Variants in ALK observed in about 807,000 individuals in gnomAD.
ALK encodes ALK receptor tyrosine kinase, also known as ALK tyrosine kinase receptor.
Under a neutral mutation model 163.1 loss-of-function variants are expected in ALK, and 74 were observed. The observed-to-expected ratio is 0.45, with a 90% confidence interval of 0.38 to 0.55. The LOEUF (loss-of-function observed/expected upper bound fraction) is 0.55, where lower values mean the gene tolerates loss of function less well. Ranked by LOEUF, ALK falls within the 20% of genes least tolerant of loss-of-function variation. ALK has a pLI of 0.00. For missense variants in ALK, 2,063 were observed against 2,105.3 expected (o/e 0.98, Z 0.39); for synonymous variants, 960 against 843.2 (o/e 1.14, Z -2.40).
intron 1 of ALK, among the ~76,000 whole-genome samples, chr2:29,901,114 A>T (rs958916696): frequency 2.0e-5 from 3 of 152,172 alleles, no homozygotes; most frequent in African/African-American, 7.2e-5. Flanking sequence ...CCTAAGATCA[A>T]ATCCCAGTTC....
At chr2:29,483,262 G>C (rs1671705268) in intron 4 of ALK, among the ~76,000 whole-genome samples, 2 of 152,168 alleles carry the variant, frequency 1.3e-5, no homozygotes, top group Non-Finnish European at 2.9e-5. Flanking sequence ...GGTATTGCTT[G>C]AGGAGCTTTC....
intron 12 of ALK, among the ~76,000 whole-genome samples, chr2:29,241,768 C>A (rs1254546897): frequency 6.6e-6 from 1 of 152,094 alleles, no homozygotes; most frequent in East Asian, 1.9e-4. Context: ...TGCTCACAGG[C>A]ACACGGCATC....
intron 4 of ALK, among the ~76,000 whole-genome samples, chr2:29,508,102 C>G (rs149047018): frequency 1.3e-5 from 2 of 152,272 alleles, no homozygotes; most frequent in East Asian, 1.9e-4. Flanking sequence ...CACTGAGAAA[C>G]TGCCACCCTA....
intron 3 of ALK, among the ~76,000 whole-genome samples, chr2:29,632,628 G>A (rs1389616813): frequency 1.3e-5 from 2 of 152,174 alleles, no homozygotes; most frequent in Non-Finnish European, 2.9e-5. Flanking sequence ...AAGCCAGGAA[G>A]AGAGCCCTCA....
At chr2:29,477,057 C>A (rs1229409436) in intron 4 of ALK, among the ~76,000 whole-genome samples, 1 of 152,100 alleles carries the variant, frequency 6.6e-6, no homozygotes, top group Non-Finnish European at 1.5e-5. Flanking sequence ...ACTAGGGACA[C>A]CCAGGCTAGA....
At chr2:29,405,682 C>A (rs907820719) in intron 4 of ALK, among the ~76,000 whole-genome samples, 89 of 151,952 alleles carry the variant, frequency 5.9e-4, no homozygotes, top group African/African-American at 2.1e-3. Context: ...AGCCACCACA[C>A]TGGGAGAGGC....
rs1669775856 is a variant in ALK, at chr2:29,220,686, A to G, written c.3645+20T>C. ...CTGTCCTTGGCACAACAACTGCAGCAAAGACTGGTTCTCACTCACCGGGCG... is the reference window on the plus strand; with the variant it reads ...CTGTCCTTGGCACAACAACTGCAGCGAAGACTGGTTCTCACTCACCGGGCG... On this transcript the variant is annotated intron_variant, in intron 23 of 28. Transcript: ENST00000389048. The G allele has an allele frequency of 1.2e-6, 2 of 1,613,292 alleles. No homozygotes were observed. The highest frequency in any genetic ancestry group is 4.5e-5 in the East Asian group (2 of 44,852).
intron 1 of ALK, among the ~76,000 whole-genome samples, chr2:29,801,505 G>A (rs992518805): frequency 3.3e-5 from 5 of 152,156 alleles, no homozygotes; most frequent in African/African-American, 9.7e-5. Flanking sequence ...TGCCTGCATC[G>A]TGCATTCTGT....
intron 5 of ALK, among the ~76,000 whole-genome samples, chr2:29,368,383 G>A (rs779990155): frequency 7.2e-5 from 11 of 152,216 alleles, no homozygotes; most frequent in Non-Finnish European, 1.3e-4. Context: ...AACACTCAGT[G>A]ATGAGAGACA....
chr2:29,354,276 G>A (rs1461899704), intron 5 of ALK, among the ~76,000 whole-genome samples: 1 of 152,300 alleles, frequency 6.6e-6, no homozygotes, highest in South Asian at 2.1e-4. Flanking sequence ...TCTGCGCTGC[G>A]TGACTCCTTC....
chr2:29,207,941 T>C (rs1417841448), intron 25 of ALK: 1 of 408,764 alleles, frequency 2.4e-6, no homozygotes, highest in Non-Finnish European at 5.2e-6. Flanking sequence ...TAGCCTGGTG[T>C]TCTCCTGTGT....
At chr2:29,292,216 T>A (rs146488071) in intron 9 of ALK, among the ~76,000 whole-genome samples, 1 of 152,236 alleles carries the variant, frequency 6.6e-6, no homozygotes, top group African/African-American at 2.4e-5. Flanking sequence ...ATAAGTTGTG[T>A]ACTTTATATT....
intron 5 of ALK, among the ~76,000 whole-genome samples, chr2:29,370,638 G>A (rs1182120490): frequency 6.6e-6 from 1 of 152,238 alleles, no homozygotes; most frequent in Non-Finnish European, 1.5e-5. Flanking sequence ...TGAGTTTCCA[G>A]GAAGAAGCTT....
intron 5 of ALK, among the ~76,000 whole-genome samples, chr2:29,365,106 T>C (rs971875101): frequency 1.1e-4 from 16 of 152,122 alleles, no homozygotes; most frequent in African/African-American, 3.4e-4. Flanking sequence ...TTCACCGAGG[T>C]GTGCTGTCCT....
At chr2:29,680,764 T>G (rs12328379) in intron 3 of ALK, among the ~76,000 whole-genome samples, 10,068 of 152,180 alleles carry the variant, frequency 0.066, 1,114 homozygotes, top group African/African-American at 0.23. Flanking sequence ...TTGTATATAT[T>G]CTCATTTTTG....
intron 4 of ALK, among the ~76,000 whole-genome samples, chr2:29,514,853 C>A (rs1672620099): frequency 6.6e-6 from 1 of 152,204 alleles, no homozygotes; most frequent in Non-Finnish European, 1.5e-5. Flanking sequence ...CCCTCCCTTT[C>A]CTTGTGGTGC....
intron 3 of ALK, among the ~76,000 whole-genome samples, chr2:29,693,879 C>T (rs567010865): frequency 6.6e-6 from 1 of 152,282 alleles, no homozygotes; most frequent in African/African-American, 2.4e-5. Flanking sequence ...GCAGTCACTC[C>T]CCCGCTCTGA....
intron 1 of ALK, among the ~76,000 whole-genome samples, chr2:29,773,233 TAC>T (rs111768210): frequency 2.3e-4 from 34 of 146,730 alleles, no homozygotes; most frequent in Non-Finnish European, 3.4e-4. Context: ...ACAGTAAATG[TAC>T]ACACACACAC....
rs1667340060 is a variant in ALK, at chr2:29,328,439, G to A, written c.1325C>T (p.Thr442Ile). The A allele has an allele frequency of 1.2e-6, 2 of 1,614,092 alleles. No homozygotes were observed. The highest frequency in any genetic ancestry group is 1.7e-6 in the Non-Finnish European group (2 of 1,180,022). The change falls in exon 6 of 29, where the codon ACT becomes ATT. Residue 442 changes from threonine to isoleucine, a missense_variant. Thr to Ile is a moderately conservative substitution (Grantham distance 89). This residue lies in a region of ALK where 987 missense variants were observed against 939.5 expected (regional missense o/e 1.05). Coordinates refer to ENST00000389048, the MANE Select transcript of ALK (RefSeq NM_004304.5). Reference sequence around the variant, plus strand: ...CTGGAGGACTGTCCCATTCCAACAAGTGAAGGAGCTCTGCAGGGCCATCTT... The same window carrying A: ...CTGGAGGACTGTCCCATTCCAACAAATGAAGGAGCTCTGCAGGGCCATCTT... ...GSKMALQSSF[T>I]CWNGTVLQLG...
Sources: gnomAD v4.1 joint callset for allele counts (sites outside exome capture counted in the v4.1 genomes callset) on GRCh38, gnomAD v4.1.1 for gene constraint, gnomAD v4.1.1 regional missense constraint, MANE v1.5 for transcripts, NCBI Gene and HGNC (gene_info 2026-07-23, HGNC 2026-07-21) for gene names.